Variants in ANAPC4 observed in about 807,000 individuals in gnomAD.
The protein encoded by ANAPC4 is anaphase-promoting complex subunit 4.
In ANAPC4, 63 loss-of-function variants were observed where a neutral mutation model predicts 119.8. That is an observed-to-expected ratio of 0.53 (90% CI 0.43 to 0.65). The LOEUF is 0.65. Among genes scored for constraint, ANAPC4 ranks in the 30% least tolerant of loss-of-function variants. ANAPC4 has a pLI of 0.00. For missense variants in ANAPC4, 716 were observed against 945.1 expected (o/e 0.76, Z 3.18); for synonymous variants, 283 against 318.6 (o/e 0.89, Z 1.19).
At chr4:25,383,833 A>G (rs953765171) in intron 4 of ANAPC4, among the ~76,000 whole-genome samples, 1 of 152,232 alleles carries the variant, frequency 6.6e-6, no homozygotes, top group Non-Finnish European at 1.5e-5. Context: ...ATCTCACTGA[A>G]GGTGGAGGAT....
At position 25,396,530 on chromosome 4, in the gene ANAPC4, G is replaced by GAAATAATT. The variant is rs1722662764; in HGVS notation, c.1062-132_1062-125dup. 1.0e-5 allele frequency: 7 copies of GAAATAATT among 694,824 alleles called. No homozygotes were observed. The South Asian group carries it at 1.5e-4, about 15-fold the overall frequency. The allele number at this position is 694,824 out of a possible 1,614,324, so 43.0% of individuals were successfully genotyped here. ...CTGCAGTTTTTAGGAACAGTTTTGAGAAATAATTATTTCTCATGGAAACAA... is the reference window on the plus strand; with the variant it reads ...CTGCAGTTTTTAGGAACAGTTTTGAGAAATAATTAAATAATTATTTCTCATGGAAACAA... On this transcript the variant is annotated intron_variant, in intron 14 of 28. Transcript: ENST00000315368.
At chr4:25,404,184 AT>A (rs1469292644) in intron 17 of ANAPC4, among the ~76,000 whole-genome samples, 1 of 152,162 alleles carries the variant, frequency 6.6e-6, no homozygotes, top group East Asian at 1.9e-4. Context: ...ACCTAACATA[AT>A]TGCTTTTGTT....
chr4:25,415,426 G>A (rs1381305367), intron 25 of ANAPC4, 40 bp from the exon 26 acceptor site: 2 of 1,500,984 alleles, frequency 1.3e-6, no homozygotes, highest in Non-Finnish European at 1.8e-6. Flanking sequence ...TATCCAGGTT[G>A]TTCCACAGAG....
chr4:25,394,481 A>G lies in ANAPC4; in HGVS notation c.941+107A>G, dbSNP rs909077211. On this transcript the variant is annotated intron_variant, in intron 12 of 28. Transcript: ENST00000315368. ...AGTATGTGATTTTTTTAATTGATAC[A>G]TAATATTTTAATTGATACATAATGT... The G allele has an allele frequency of 8.2e-6, 9 of 1,092,698 alleles. No individual in the cohort carries two copies. The East Asian group carries it at 2.2e-4, about 26-fold the overall frequency. The allele number at this position is 1,092,698 out of a possible 1,614,324, so 67.7% of individuals were successfully genotyped here. A position where few individuals can be genotyped will look rare whatever the true frequency, so the allele number is the denominator to read the frequency against.
chr4:25,416,610 C>A lies in ANAPC4; in HGVS notation c.2075+12C>A. 3 of 1,491,142 alleles carry A rather than the reference C, an allele frequency of 2.0e-6. No homozygotes were observed. In the East Asian group the frequency reaches 7.0e-5, roughly 35 times the overall value. 92.4% of individuals were successfully genotyped at this position (1,491,142 alleles called of 1,614,324 possible). ...ACTTATTCTACAAGGTAACTAGTAA[C>A]ATTGTCTTTCTGATATTACAGTTAA... On this transcript the variant is annotated intron_variant, in intron 27 of 28. Transcript: ENST00000315368.
chr4:25,402,923 C>A (rs199803932), intron 16 of ANAPC4, 48 bp from the exon 17 acceptor site: 1 of 1,065,112 alleles, frequency 9.4e-7, no homozygotes, highest in Non-Finnish European at 1.4e-6. Flanking sequence ...ATGTATGAAT[C>A]CCCCACACAC....
chr4:25,381,675 C>T (rs1355852077), intron 3 of ANAPC4, among the ~76,000 whole-genome samples: 2 of 152,044 alleles, frequency 1.3e-5, no homozygotes, highest in African/African-American at 2.4e-5. Context: ...CTAGGTGGGG[C>T]ATGGTGGCTC....
At chr4:25,412,372 C>G (rs1186864494) in intron 21 of ANAPC4, among the ~76,000 whole-genome samples, 1 of 152,092 alleles carries the variant, frequency 6.6e-6, no homozygotes, top group African/African-American at 2.4e-5. Flanking sequence ...AAGCCCCTCT[C>G]TCTTCCTTGG....
chr4:25,389,757 G>T (rs575902584), intron 7 of ANAPC4, among the ~76,000 whole-genome samples: 1 of 152,102 alleles, frequency 6.6e-6, no homozygotes, highest in Non-Finnish European at 1.5e-5. Context: ...AAAATTTTAA[G>T]TATTCATGTT....
Position 25,391,006 on chromosome 4 carries a change from A to G in ANAPC4, c.696A>G (p.Ser232=), listed in dbSNP as rs772252498. 3.7e-6 allele frequency: 6 copies of G among 1,609,458 alleles called. No individual in the cohort carries two copies. Among genetic ancestry groups the G allele is most frequent in the Non-Finnish European group, 5.1e-6 (6 of 1,176,102 alleles). The change falls in exon 9 of 29, where the codon TCA becomes TCG. Residue 232 remains serine, a synonymous_variant. Coordinates refer to ENST00000315368, the MANE Select transcript of ANAPC4 (RefSeq NM_013367.3). ...CTACCAATGGTGCTTCAGAAGTTTC[A>G]TACTTTCAGGTGAGTATTGGAACTT... ...EVSTNGASEV[S]YFQLETNLLY...
At chr4:25,378,912 AAG>A (rs1225201636) in intron 2 of ANAPC4, among the ~76,000 whole-genome samples, 2 of 152,214 alleles carry the variant, frequency 1.3e-5, no homozygotes, top group African/African-American at 2.4e-5. Flanking sequence ...GCAAAGATGA[AAG>A]AGAGTTGAAG....
chr4:25,395,006 C>G lies in ANAPC4; in HGVS notation c.1061+101C>G, dbSNP rs1335719461. The G allele has an allele frequency of 5.8e-6, 5 of 860,674 alleles. No homozygotes were observed. The East Asian group carries it at 1.0e-4, about 18-fold the overall frequency. The allele number at this position is 860,674 out of a possible 1,614,324, so 53.3% of individuals were successfully genotyped here. ...CTTCATCTGGCATTCTCTTTTTAAG[C>G]CTTTTCTAGCTAAAATTGTTGCATG... On this transcript the variant is annotated intron_variant, in intron 14 of 28. Transcript: ENST00000315368.
chr4:25,380,174 G>C (rs1392115123), intron 2 of ANAPC4, among the ~76,000 whole-genome samples, 200 bp from the exon 3 acceptor site: 1 of 152,030 alleles, frequency 6.6e-6, no homozygotes, highest in Non-Finnish European at 1.5e-5. Context: ...TTAGGTACAG[G>C]GTTAAATTAG....
rs1721845881 is a variant in ANAPC4 at position 25,383,272 on chromosome 4, G to A, written c.247G>A (p.Ala83Thr). 1 of 1,597,690 alleles carries A rather than the reference G, an allele frequency of 6.3e-7. No homozygotes were observed. Among genetic ancestry groups the A allele is most frequent in the Non-Finnish European group, 8.5e-7 (1 of 1,173,790 alleles). The change falls in exon 4 of 29, where the codon GCT becomes ACT. Residue 83 changes from alanine to threonine, a missense_variant. Transcript: ENST00000315368. ...WRPDGKLLAF[A>T]LADTKKIVLC... ...TTTTCTTGTTTTAGTTTTGGCCTTT[G>A]CTCTTGCTGATACCAAGAAAATTGT... is the stretch of plus-strand genomic sequence containing the variant.
chr4:25,395,006 C>A (rs1335719461), intron 14 of ANAPC4, 101 bp downstream of exon 14: 1 of 860,782 alleles, frequency 1.2e-6, no homozygotes. Context: ...TCTTTTTAAG[C>A]CTTTTCTAGC....
chr4:25,397,025 T>G, intron 16 of ANAPC4, 126 bp downstream of exon 16: 1 of 954,458 alleles, frequency 1.0e-6, no homozygotes, highest in Non-Finnish European at 1.5e-6. Flanking sequence ...AATTATGCCT[T>G]TATATGGTTC....
intron 20 of ANAPC4, among the ~76,000 whole-genome samples, chr4:25,407,561 C>A (rs989911711): frequency 2.0e-5 from 3 of 151,564 alleles, no homozygotes; most frequent in Non-Finnish European, 4.4e-5. Flanking sequence ...AAGATCAAGC[C>A]ACTGCACTTC....
intron 25 of ANAPC4, chr4:25,415,148 G>A (rs1723790794): frequency 4.3e-6 from 1 of 231,360 alleles, no homozygotes; most frequent in Non-Finnish European, 8.2e-6. Flanking sequence ...GAAATTGAAA[G>A]TAGAAGTTCT....
chr4:25,411,899 T>C (rs1265753183), intron 21 of ANAPC4, among the ~76,000 whole-genome samples: 2 of 152,178 alleles, frequency 1.3e-5, no homozygotes, highest in African/African-American at 4.8e-5. Context: ...AATTCAATTC[T>C]GACACGAATT....
Sources: allele counts gnomAD v4.1 joint callset (sites outside exome capture counted in the v4.1 genomes callset), GRCh38; gene constraint gnomAD v4.1.1; transcripts MANE v1.5; gene names NCBI Gene and HGNC (gene_info 2026-07-23, HGNC 2026-07-21).